Variants in PYM1 observed in about 807,000 individuals in gnomAD.
The protein encoded by PYM1 is PYM1 exon junction complex associated factor.
A neutral mutation model predicts 20.7 loss-of-function variants in PYM1; 7 were observed. The ratio of observed to expected loss-of-function variants is 0.34; its 90% CI spans 0.19 to 0.64. The LOEUF is 0.64. Among genes scored for constraint, PYM1 ranks in the 30% least tolerant of loss-of-function variants. The probability of loss-of-function intolerance (pLI) is 0.74; values close to 1 mark genes in which losing one functional copy is unlikely to be tolerated. For missense variants in PYM1, 194 were observed against 250.0 expected (o/e 0.78, Z 1.51); for synonymous variants, 100 against 99.2 (o/e 1.01, Z -0.05).
chr12:55,912,609 T>C (rs1044229578), intron 1 of PYM1, among the ~76,000 whole-genome samples: 1 of 150,096 alleles, frequency 6.7e-6, no homozygotes, highest in African/African-American at 2.5e-5. Flanking sequence ...AAAGGCCTTC[T>C]TGATTTACCT....
At chr12:55,906,153 T>C (rs1882812760) in intron 1 of PYM1, among the ~76,000 whole-genome samples, 1 of 148,870 alleles carries the variant, frequency 6.7e-6, no homozygotes, top group Admixed American at 6.8e-5. Context: ...TTGTCAGTGT[T>C]TTTTTTTTTC....
chr12:55,918,249 C>G (rs1883041977), intron 1 of PYM1, among the ~76,000 whole-genome samples: 1 of 151,900 alleles, frequency 6.6e-6, no homozygotes, highest in African/African-American at 2.4e-5. Flanking sequence ...AGGTGCCCGC[C>G]ACCATGCCCG....
intron 1 of PYM1, among the ~76,000 whole-genome samples, chr12:55,907,803 G>C (rs1882850486): frequency 6.6e-6 from 1 of 151,046 alleles, no homozygotes; most frequent in South Asian, 2.1e-4. Flanking sequence ...GCTGGGTGTG[G>C]TGGCAAGTGC....
At position 55,901,935 on chromosome 12, in the gene PYM1, T is replaced by C. The variant is rs1269774437; in HGVS notation, c.552A>G (p.Leu184=). The C allele has an allele frequency of 2.5e-6, 4 of 1,613,996 alleles. No individual in the cohort carries two copies. The highest frequency in any genetic ancestry group is 3.4e-6 in the Non-Finnish European group (4 of 1,180,006). ...GEVSQPSKEQ[L]EKLARRRALE... is the part of the protein sequence containing the mutation. Reference sequence around the variant, plus strand: ...GCGCCCTCCTCCTTGCTAGCTTTTCTAGCTGCTCTTTGCTAGGCTGGCTGA... The same window carrying C: ...GCGCCCTCCTCCTTGCTAGCTTTTCCAGCTGCTCTTTGCTAGGCTGGCTGA... Residue 184 remains leucine, a synonymous_variant, in exon 3 of 3, where the codon CTA becomes CTG. Coordinates refer to ENST00000408946, the MANE Select transcript of PYM1 (RefSeq NM_032345.3).
chr12:55,904,841 T>A (rs1207020223), intron 1 of PYM1, among the ~76,000 whole-genome samples: 1 of 151,266 alleles, frequency 6.6e-6, no homozygotes, highest in Non-Finnish European at 1.5e-5. Context: ...AAAAATAAAA[T>A]AAATGTTCTG....
intron 1 of PYM1, among the ~76,000 whole-genome samples, chr12:55,903,736 G>A (rs530574675): frequency 1.8e-4 from 27 of 151,964 alleles, no homozygotes; most frequent in African/African-American, 6.0e-4. Context: ...CACAGAGGAA[G>A]AATTTTGTTA....
At chr12:55,925,178 AT>A (rs1883168000) in intron 1 of PYM1, among the ~76,000 whole-genome samples, 1 of 152,202 alleles carries the variant, frequency 6.6e-6, no homozygotes, top group South Asian at 2.1e-4. Context: ...GAAAATCAAA[AT>A]GAATAAAGAA....
intron 1 of PYM1, 36 bp downstream of exon 1, chr12:55,927,689 G>A (rs1397005069): frequency 2.0e-6 from 3 of 1,538,312 alleles, no homozygotes; most frequent in Admixed American, 2.0e-5. Context: ...CCCGCGGGAG[G>A]GGCGTGCAAG....
intron 1 of PYM1, among the ~76,000 whole-genome samples, chr12:55,908,578 G>A (rs999432582): frequency 2.8e-4 from 42 of 151,974 alleles, no homozygotes; most frequent in African/African-American, 7.7e-4. Context: ...AAGTCCAGGC[G>A]CACGGGCCCA....
chr12:55,927,883 C>G lies in PYM1; in HGVS notation c.-122G>C. 1 of 1,329,870 alleles carries G rather than the reference C, an allele frequency of 7.5e-7. No individual in the cohort carries two copies. The highest frequency in any genetic ancestry group is 1.0e-6 in the Non-Finnish European group (1 of 989,142). The allele number at this position is 1,329,870 out of a possible 1,614,324, so 82.4% of individuals were successfully genotyped here. On this transcript the variant is annotated 5_prime_UTR_variant, in exon 1 of 3. Transcript: ENST00000408946. Reference sequence around the variant, plus strand: ...CCTAGTTGCTTCTCGCCCAGACCTCCTAACCCTGAGTGCCTCCTCGGGCTG... The same window carrying G: ...CCTAGTTGCTTCTCGCCCAGACCTCGTAACCCTGAGTGCCTCCTCGGGCTG...
At chr12:55,916,462 T>C (rs989283568) in intron 1 of PYM1, among the ~76,000 whole-genome samples, 3 of 152,034 alleles carry the variant, frequency 2.0e-5, no homozygotes, top group Non-Finnish European at 4.4e-5. Context: ...CCAGTTTCAC[T>C]AGAGGGTATG....
At chr12:55,909,888 T>C (rs1481333806) in intron 1 of PYM1, among the ~76,000 whole-genome samples, 1 of 152,116 alleles carries the variant, frequency 6.6e-6, no homozygotes, top group East Asian at 1.9e-4. Flanking sequence ...ATCATATGAA[T>C]ATGATAAGCA....
At chr12:55,918,191 G>A (rs1183410578) in intron 1 of PYM1, among the ~76,000 whole-genome samples, 13 of 150,552 alleles carry the variant, frequency 8.6e-5, no homozygotes, top group Admixed American at 8.0e-4. Flanking sequence ...TCCGCCTCCC[G>A]GGTTCACGCC....
intron 1 of PYM1, among the ~76,000 whole-genome samples, chr12:55,925,214 C>T (rs1183557067): frequency 6.6e-6 from 1 of 152,146 alleles, no homozygotes; most frequent in African/African-American, 2.4e-5. Flanking sequence ...ATCAAAGTGG[C>T]TGGTCACAGA....
chr12:55,904,202 G>A (rs1036893191), intron 1 of PYM1, among the ~76,000 whole-genome samples: 1 of 151,590 alleles, frequency 6.6e-6, no homozygotes, highest in African/African-American at 2.4e-5. Flanking sequence ...CCTGACCTCA[G>A]GTGATCCGCC....
At chr12:55,911,046 C>A (rs1487315207) in intron 1 of PYM1, among the ~76,000 whole-genome samples, 3 of 152,156 alleles carry the variant, frequency 2.0e-5, no homozygotes, top group African/African-American at 7.2e-5. Flanking sequence ...TTTTAGTTAA[C>A]CTCTTCGGCA....
Position 55,902,142 on chromosome 12 carries a change from C to T in PYM1, c.345G>A (p.Lys115=), listed in dbSNP as rs1681073. ...EAEALSRTLD[K]VSLEETAQLP... is the part of the protein sequence containing the mutation. The stretch of plus-strand genomic sequence containing the variant: ...GTTGGGCTGTCTCTTCCAGGGACAC[C>T]TTATCAAGAGTCCTGCTCAAGGCCT... Residue 115 remains lysine, a synonymous_variant, in exon 3 of 3, where the codon AAG becomes AAA. Coordinates refer to ENST00000408946, the MANE Select transcript of PYM1 (RefSeq NM_032345.3). 36 of 1,613,996 alleles carry T rather than the reference C, an allele frequency of 2.2e-5. No homozygotes were observed. Among genetic ancestry groups the T allele is most frequent in the Non-Finnish European group, 2.9e-5 (34 of 1,180,036 alleles).
In PYM1 at chr12:55,902,355, T is replaced by C; in HGVS notation, c.132A>G (p.Val44=). ...EGYVPQEEVP[V]YENKYVKFFK... is the part of the protein sequence containing the mutation. ...AAAACTTCACATACTTGTTTTCATATCTGCAGGAAACAAAGGATGTCAAGA... is the reference window on the plus strand; with the variant it reads ...AAAACTTCACATACTTGTTTTCATACCTGCAGGAAACAAAGGATGTCAAGA... Residue 44 remains valine (V), a splice_region_variant and synonymous_variant, in exon 3 of 3, where the codon GTA becomes GTG. Transcript: ENST00000408946. 6.2e-7 allele frequency: 1 copy of C among 1,603,422 alleles called. No individual in the cohort carries two copies. The highest frequency in any genetic ancestry group is 1.7e-5 in the Admixed American group (1 of 57,880).
chr12:55,904,126 T>A lies in PYM1; in HGVS notation c.38-646A>T, dbSNP rs929120807. 2.0e-5 allele frequency among the ~76,000 whole-genome samples: 3 copies of A among 151,706 alleles called. No individual in the cohort carries two copies. The East Asian group carries it at 5.9e-4, about 30-fold the overall frequency. Reference sequence around the variant, plus strand: ...AGGATTACAGGCCCCTGCCACCACATCCGGCTAATTTTTGTATTATTAGTA... The same window carrying A: ...AGGATTACAGGCCCCTGCCACCACAACCGGCTAATTTTTGTATTATTAGTA... On this transcript the variant is annotated intron_variant, in intron 1 of 2. Coordinates refer to ENST00000408946, the MANE Select transcript of PYM1 (RefSeq NM_032345.3).
Sources: gnomAD v4.1 joint callset for allele counts (sites outside exome capture counted in the v4.1 genomes callset) on GRCh38, gnomAD v4.1.1 for gene constraint, MANE v1.5 for transcripts, NCBI Gene and HGNC (gene_info 2026-07-23, HGNC 2026-07-21) for gene names.